Variants in GALNT7 observed in about 807,000 individuals in gnomAD.
The protein encoded by GALNT7 is N-acetylgalactosaminyltransferase 7.
A neutral mutation model predicts 82.1 loss-of-function variants in GALNT7; 60 were observed. That is an observed-to-expected ratio of 0.73 (90% CI 0.59 to 0.91). The LOEUF (loss-of-function observed/expected upper bound fraction) is 0.91, where lower values mean the gene tolerates loss of function less well. Ranked by LOEUF, GALNT7 falls within the 40% of genes least tolerant of loss-of-function variation. The pLI is 0.00. For synonymous variants in GALNT7, 243 were observed against 275.1 expected, an observed-to-expected ratio of 0.88 and a Z score of 1.15; for missense variants, 660 against 804.2, an observed-to-expected ratio of 0.82 and a Z score of 2.17.
chr4:173,259,164 T>TA (rs1318289982), intron 2 of GALNT7, among the ~76,000 whole-genome samples: 2 of 152,120 alleles, frequency 1.3e-5, no homozygotes, highest in Non-Finnish European at 2.9e-5. Flanking sequence ...TTAATTGAGG[T>TA]AATGTTATGG....
intron 1 of GALNT7, among the ~76,000 whole-genome samples, chr4:173,226,127 G>A (rs1039135279): frequency 3.9e-5 from 6 of 152,076 alleles, no homozygotes; most frequent in African/African-American, 9.7e-5. Flanking sequence ...AGAACTGATC[G>A]CTGATCACAG....
chr4:173,203,071 G>A (rs1241880381), intron 1 of GALNT7, among the ~76,000 whole-genome samples: 3 of 150,482 alleles, frequency 2.0e-5, no homozygotes, highest in East Asian at 3.9e-4. Flanking sequence ...CAGGTGAAGC[G>A]AATCTGTTAT....
Position 173,322,924 on chromosome 4 carries a change from T to C in GALNT7, c.*1207T>C, listed in dbSNP as rs1737874316. 2 of 152,226 alleles carry C rather than the reference T, an allele frequency of 1.3e-5. No individual in the cohort carries two copies. The highest frequency in any genetic ancestry group is 4.1e-4 in the South Asian group (2 of 4,830). The allele number at this position is 152,226 out of a possible 1,614,324, so 9.4% of individuals were successfully genotyped here. A position where few individuals can be genotyped will look rare whatever the true frequency, so the allele number is the denominator to read the frequency against. The stretch of plus-strand genomic sequence containing the variant: ...GTGAACTACTTTCTGTTACATTAGG[T>C]GTTCCCTAGTGTTTCTTAATTTCTT... On this transcript the variant is annotated 3_prime_UTR_variant, in exon 12 of 12. Coordinates refer to ENST00000265000, the MANE Select transcript of GALNT7 (RefSeq NM_017423.3).
chr4:173,250,896 G>A (rs1232831817), intron 2 of GALNT7, among the ~76,000 whole-genome samples: 1 of 152,088 alleles, frequency 6.6e-6, no homozygotes, highest in African/African-American at 2.4e-5. Flanking sequence ...TGACGGGCTG[G>A]CTCCTTCCCA....
chr4:173,180,556 G>A (rs1732211713), intron 1 of GALNT7, among the ~76,000 whole-genome samples: 1 of 152,090 alleles, frequency 6.6e-6, no homozygotes, highest in African/African-American at 2.4e-5. Context: ...TCGAACTTCT[G>A]ACCTCAGGTG....
intron 2 of GALNT7, among the ~76,000 whole-genome samples, chr4:173,288,081 A>G (rs1477108442): frequency 6.6e-6 from 1 of 151,784 alleles, no homozygotes; most frequent in Admixed American, 6.6e-5. Flanking sequence ...CAGGAGATCG[A>G]GACCATCCTG....
At position 173,233,937 on chromosome 4, in the gene GALNT7, T is replaced by C. The variant is rs572403850; in HGVS notation, c.127-14043T>C. 1.4e-4 allele frequency among the ~76,000 whole-genome samples: 21 copies of C among 152,326 alleles called. 1 individual carries two copies. The South Asian group carries it at 4.3e-3, about 32-fold the overall frequency. ...AAATCAAATTTTTCAAAAAATGTTGTCTATTCTTGTTTGTATCGTTTCCAC... is the reference window on the plus strand; with the variant it reads ...AAATCAAATTTTTCAAAAAATGTTGCCTATTCTTGTTTGTATCGTTTCCAC... On this transcript the variant is annotated intron_variant, in intron 1 of 11. Transcript: ENST00000265000.
chr4:173,173,965 A>G (rs1170395968), intron 1 of GALNT7, among the ~76,000 whole-genome samples: 1 of 152,174 alleles, frequency 6.6e-6, no homozygotes, highest in East Asian at 1.9e-4. Flanking sequence ...ATCAGTTGTA[A>G]CCTGAAAAAT....
Position 173,195,213 on chromosome 4 carries a change from C to T in GALNT7, c.126+26252C>T, listed in dbSNP as rs187528535. On this transcript the variant is annotated intron_variant, in intron 1 of 11. Transcript: ENST00000265000. ...TTGTTTGAACTTTTATTTCTACTTC[C>T]TCATCTTCAAGTATTTGTGACTATT... 2.0e-3 allele frequency among the ~76,000 whole-genome samples: 307 copies of T among 152,152 alleles called. 1 individual carries two copies. The highest frequency in any genetic ancestry group is 7.1e-3 in the African/African-American group (295 of 41,496).
intron 1 of GALNT7, among the ~76,000 whole-genome samples, chr4:173,233,479 T>C (rs1215931323): frequency 6.6e-6 from 1 of 152,234 alleles, no homozygotes; most frequent in Admixed American, 6.5e-5. Context: ...ATTTCCCTGA[T>C]GATTAGTGAT....
At position 173,323,955 on chromosome 4, in the gene GALNT7, G is replaced by A. The variant is rs1482821513; in HGVS notation, c.*2238G>A. ...TTTTAGGTGACAAAAATAAAATATT[G>A]TATTTTAATTCATGGGTTTTTTTGG... is the stretch of plus-strand genomic sequence containing the variant. On this transcript the variant is annotated 3_prime_UTR_variant, in exon 12 of 12. Coordinates refer to ENST00000265000, the MANE Select transcript of GALNT7 (RefSeq NM_017423.3). 3 of 152,230 alleles carry A rather than the reference G, an allele frequency of 2.0e-5. No individual in the cohort carries two copies. Among genetic ancestry groups the A allele is most frequent in the Non-Finnish European group, 2.9e-5 (2 of 67,960 alleles). 9.4% of individuals were successfully genotyped at this position (152,230 alleles called of 1,614,324 possible). A position where few individuals can be genotyped will look rare whatever the true frequency, so the allele number is the denominator to read the frequency against.
chr4:173,270,960 A>G (rs1349410083), intron 2 of GALNT7, among the ~76,000 whole-genome samples: 1 of 152,232 alleles, frequency 6.6e-6, no homozygotes, highest in African/African-American at 2.4e-5. Context: ...TAACCAGCTG[A>G]TATCAGAAGG....
chr4:173,187,836 T>G (rs1345277868), intron 1 of GALNT7, among the ~76,000 whole-genome samples: 1 of 152,174 alleles, frequency 6.6e-6, no homozygotes, highest in Non-Finnish European at 1.5e-5. Context: ...GAAGCATAAT[T>G]TCTCTTTTCT....
intron 2 of GALNT7, among the ~76,000 whole-genome samples, chr4:173,265,961 T>C (rs111835225): frequency 1.3e-5 from 2 of 152,066 alleles, no homozygotes; most frequent in African/African-American, 4.8e-5. Flanking sequence ...AAATGTGTCA[T>C]AGAATTTTAG....
chr4:173,323,250 G>A lies in GALNT7; in HGVS notation c.*1533G>A, dbSNP rs1737886953. On this transcript the variant is annotated 3_prime_UTR_variant, in exon 12 of 12. Coordinates refer to ENST00000265000, the MANE Select transcript of GALNT7 (RefSeq NM_017423.3). Reference sequence around the variant, plus strand: ...CACAAACTACTGCCAGAGGAAGTTTGTTTTTTAATTTAAGAGGGAAATATA... The same window carrying A: ...CACAAACTACTGCCAGAGGAAGTTTATTTTTTAATTTAAGAGGGAAATATA... 1 of 152,440 alleles carries A rather than the reference G, an allele frequency of 6.6e-6. No individual in the cohort carries two copies. Among genetic ancestry groups the A allele is most frequent in the Non-Finnish European group, 1.5e-5 (1 of 67,950 alleles). The allele number at this position is 152,440 out of a possible 1,614,324, so 9.4% of individuals were successfully genotyped here.
rs187856611 is a variant in GALNT7 at position 173,271,760 on chromosome 4, A to G, written c.588-20348A>G. ...ATGTGAGCCACTGTGCCTGGCCCCA[A>G]GTAGTATATTTTAAAAATATGAGGT... On this transcript the variant is annotated intron_variant, in intron 2 of 11. Transcript: ENST00000265000. Among the ~76,000 whole-genome samples, 254 of 152,286 alleles carry G rather than the reference A, an allele frequency of 1.7e-3. 1 individual carries two copies. Among genetic ancestry groups the G allele is most frequent in the Non-Finnish European group, 2.7e-3 (187 of 68,024 alleles).
intron 1 of GALNT7, among the ~76,000 whole-genome samples, chr4:173,196,075 C>T (rs1732764551): frequency 6.6e-6 from 1 of 151,654 alleles, no homozygotes; most frequent in Non-Finnish European, 1.5e-5. Flanking sequence ...TACAAAATTA[C>T]ATAACAATTT....
At chr4:173,238,184 C>T (rs2126721291) in intron 1 of GALNT7, among the ~76,000 whole-genome samples, 1 of 152,128 alleles carries the variant, frequency 6.6e-6, no homozygotes, top group Admixed American at 6.6e-5. Flanking sequence ...TACAATCTTT[C>T]TTTCATTACT....
chr4:173,182,316 G>A (rs1270038963), intron 1 of GALNT7, among the ~76,000 whole-genome samples: 2 of 152,122 alleles, frequency 1.3e-5, no homozygotes, highest in African/African-American at 4.8e-5. Context: ...AAAACTTAAG[G>A]TAAGAGCAAA....
Sources: allele counts gnomAD v4.1 joint callset (sites outside exome capture counted in the v4.1 genomes callset), GRCh38; gene constraint gnomAD v4.1.1; transcripts MANE v1.5; gene names NCBI Gene and HGNC (gene_info 2026-07-23, HGNC 2026-07-21).